Variants in TINAGL1 observed in about 807,000 individuals in gnomAD.
The protein encoded by TINAGL1 is tubulointerstitial nephritis antigen like 1, also known as tubulointerstitial nephritis antigen-like.
In TINAGL1, 34 loss-of-function variants were observed where a neutral mutation model predicts 62.0. That is an observed-to-expected ratio of 0.55 (90% confidence interval 0.42 to 0.73). TINAGL1 has a LOEUF of 0.73. Ranked by LOEUF, TINAGL1 falls within the 30% of genes least tolerant of loss-of-function variation. The probability of loss-of-function intolerance (pLI) is 0.00; values close to 1 mark genes in which losing one functional copy is unlikely to be tolerated. For missense variants in TINAGL1, 516 were observed against 653.2 expected, an observed-to-expected ratio of 0.79 and a Z score of 2.29; for synonymous variants, 221 against 249.7, an observed-to-expected ratio of 0.88 and a Z score of 1.08.
rs200302326 is a variant in TINAGL1 at position 31,586,897 on chromosome 1, G to A, written c.1322G>A (p.Arg441His). 3 of 1,548,944 alleles carry A rather than the reference G, an allele frequency of 1.9e-6. No homozygotes were observed. Among genetic ancestry groups the A allele is most frequent in the East Asian group, 2.3e-5 (1 of 43,642 alleles). Reference protein sequence around the residue: ...WGERGHFRIVRGVNECDIESF... With the variant: ...WGERGHFRIVHGVNECDIESF... Reference sequence around the variant, plus strand: ...GAGAGGGGCCACTTCCGCATCGTGCGCGGCGTCAATGAGTGCGACATCGAG... The same window carrying A: ...GAGAGGGGCCACTTCCGCATCGTGCACGGCGTCAATGAGTGCGACATCGAG... The change falls in exon 12 of 12, where the codon CGC becomes CAC. Residue 441 changes from arginine (R) to histidine (H), a missense_variant. Transcript: ENST00000271064.
chr1:31,579,448 CCAA>C (rs1203211618), intron 3 of TINAGL1, among the ~76,000 whole-genome samples, 181 bp downstream of exon 3: 1 of 152,252 alleles, frequency 6.6e-6, no homozygotes, highest in Non-Finnish European at 1.5e-5. Flanking sequence ...TAACATCATT[CCAA>C]CAACATTCCT....
rs186069505 is a variant in TINAGL1, at chr1:31,583,695, C to G, written c.582+120C>G. 1 of 849,386 alleles carries G rather than the reference C, an allele frequency of 1.2e-6. No individual in the cohort carries two copies. Among genetic ancestry groups the G allele is most frequent in the African/African-American group, 1.7e-5 (1 of 59,880 alleles). The allele number at this position is 849,386 out of a possible 1,614,324, so 52.6% of individuals were successfully genotyped here. A position where few individuals can be genotyped will look rare whatever the true frequency, so the allele number is the denominator to read the frequency against. The stretch of plus-strand genomic sequence containing the variant: ...CATCCCCTACTACAAGGCTGTGTGT[C>G]CCTGGACAAGTTACTCCCCTTCTCT... On this transcript the variant is annotated intron_variant, in intron 5 of 11. Transcript: ENST00000271064. The surrounding 1 kb of genome is among the most constrained non-coding windows in gnomAD (Gnocchi z 4.4).
intron 3 of TINAGL1, among the ~76,000 whole-genome samples, chr1:31,582,518 G>A (rs2148592063): frequency 6.6e-6 from 1 of 152,164 alleles, no homozygotes; most frequent in Non-Finnish European, 1.5e-5. Flanking sequence ...GAGGGTTTTG[G>A]GCAGAGGAAC....
At position 31,577,273 on chromosome 1, in the gene TINAGL1, A is replaced by T; in HGVS notation, c.125A>T (p.Asp42Val). The T allele has an allele frequency of 1.2e-6, 2 of 1,612,150 alleles. No homozygotes were observed. The highest frequency in any genetic ancestry group is 1.7e-6 in the Non-Finnish European group (2 of 1,179,504). Residue 42 changes from aspartate to valine, a missense_variant, in exon 2 of 12, where the codon GAC (aspartate) becomes GTC (valine). By Grantham distance (152) the Asp-to-Val change is radical. Transcript: ENST00000271064. This position sits in a 1 kb window ranked among gnomAD's most constrained non-coding sequence, Gnocchi z 5.4. The stretch of plus-strand genomic sequence containing the variant: ...GGTCTGCACCTGCGGGGCATCCGGG[A>T]CGCGGGAGGCCGGTACTGCCAGGAG... ...APGLHLRGIR[D>V]AGGRYCQEQD...
At chr1:31,582,674 C>CG (rs2148592241) in intron 3 of TINAGL1, among the ~76,000 whole-genome samples, 1 of 152,152 alleles carries the variant, frequency 6.6e-6, no homozygotes, top group South Asian at 2.1e-4. Flanking sequence ...CGGACTTGGG[C>CG]GGGCTGCAGG....
At position 31,585,615 on chromosome 1, in the gene TINAGL1, C is replaced by G. The variant is rs1194983749; in HGVS notation, c.1093+130C>G. 2.0e-6 allele frequency: 3 copies of G among 1,533,304 alleles called. No individual in the cohort carries two copies. The East Asian group carries it at 6.8e-5, about 35-fold the overall frequency. The allele number at this position is 1,533,304 out of a possible 1,614,324, so 95.0% of individuals were successfully genotyped here. ...GGGCCAGGAGTAGGGGTCCCCCCCT[C>G]CCACAGGCAGCACCTGGAGGGAGCA... On this transcript the variant is annotated intron_variant, in intron 9 of 11. Transcript: ENST00000271064. This position sits in a 1 kb window ranked among gnomAD's most constrained non-coding sequence, Gnocchi z 4.3.
rs1477596066 is a variant in TINAGL1, at chr1:31,585,892, G to A, written c.1217+16G>A. ...AGATCACAGGGTGAGGGGCGTGTGG[G>A]CAGAGGGGGTTTGGGACAGCAGGGT... On this transcript the variant is annotated intron_variant, in intron 10 of 11. Coordinates refer to ENST00000271064, the MANE Select transcript of TINAGL1 (RefSeq NM_022164.3). This position sits in a 1 kb window ranked among gnomAD's most constrained non-coding sequence, Gnocchi z 4.3. 2.6e-6 allele frequency: 4 copies of A among 1,566,348 alleles called. No homozygotes were observed. In the South Asian group the frequency reaches 3.5e-5, roughly 14 times the overall value.
intron 3 of TINAGL1, among the ~76,000 whole-genome samples, chr1:31,580,062 A>C (rs921431823): frequency 7.5e-6 from 1 of 133,772 alleles, no homozygotes; most frequent in Admixed American, 7.3e-5. Context: ...CTGTGTGTGC[A>C]CTGTGTGTGT....
chr1:31,579,001 TGTG>T (rs1639122298), intron 2 of TINAGL1, among the ~76,000 whole-genome samples, 200 bp from the exon 3 acceptor site: 3 of 63,216 alleles, frequency 4.7e-5, no homozygotes, highest in Non-Finnish European at 1.6e-4. Flanking sequence ...TGACAGCTGG[TGTG>T]TGTGTGTGTG....
In TINAGL1 at chr1:31,585,822, T is replaced by C. The variant is rs780235917; in HGVS notation, c.1163T>C (p.Leu388Pro). 1.9e-6 allele frequency: 3 copies of C among 1,612,078 alleles called. No homozygotes were observed. Among genetic ancestry groups the C allele is most frequent in the Non-Finnish European group, 1.7e-6 (2 of 1,179,156 alleles). Reference protein sequence around the residue: ...GGIYSHTPVSLGRPERYRRHG... With the variant: ...GGIYSHTPVSPGRPERYRRHG... ...ATCTACAGCCACACGCCAGTGAGCCTTGGGAGGCCAGAGAGATACCGCCGG... is the reference window on the plus strand; with the variant it reads ...ATCTACAGCCACACGCCAGTGAGCCCTGGGAGGCCAGAGAGATACCGCCGG... The change falls in exon 10 of 12, where the codon CTT (leucine) becomes CCT (proline). Residue 388 changes from leucine to proline, a missense_variant. Physicochemically the swap from Leu to Pro is moderately conservative, Grantham distance 98 (BLOSUM62 -3). Transcript: ENST00000271064. This position sits in a 1 kb window ranked among gnomAD's most constrained non-coding sequence, Gnocchi z 4.3.
chr1:31,584,607 A>G lies in TINAGL1; in HGVS notation c.583-71A>G. The G allele has an allele frequency of 1.2e-6, 2 of 1,606,286 alleles. No homozygotes were observed. The highest frequency in any genetic ancestry group is 1.7e-6 in the Non-Finnish European group (2 of 1,175,684). On this transcript the variant is annotated intron_variant, in intron 5 of 11. Coordinates refer to ENST00000271064, the MANE Select transcript of TINAGL1 (RefSeq NM_022164.3). The surrounding 1 kb of genome is among the most constrained non-coding windows in gnomAD (Gnocchi z 4.0). ...AAGGCCCTGGACTTGGTGGCCCTCC[A>G]GTGCCAATGGGCACCTGAGGGGCAG...
At chr1:31,579,981 C>T (rs1009790458) in intron 3 of TINAGL1, among the ~76,000 whole-genome samples, 4 of 152,146 alleles carry the variant, frequency 2.6e-5, no homozygotes, top group African/African-American at 9.7e-5. Flanking sequence ...CATTGCCTCA[C>T]TAGGGTGAGG....
rs762589588 is a variant in TINAGL1 at position 31,577,238 on chromosome 1, G to A, written c.90G>A (p.Glu30=). Residue 30 remains glutamate, a synonymous_variant, in exon 2 of 12, where the codon GAG becomes GAA. Transcript: ENST00000271064. The surrounding 1 kb of genome is among the most constrained non-coding windows in gnomAD (Gnocchi z 5.4). ...CCCAGCAGGGTCGTGGGCGCCGGGA[G>A]CTAGCACCGGGTCTGCACCTGCGGG... The part of the protein sequence containing the change: ...LGAQQGRGRR[E]LAPGLHLRGI... 7 of 1,607,732 alleles carry A rather than the reference G, an allele frequency of 4.4e-6. No individual in the cohort carries two copies. The African/African-American group carries it at 8.0e-5, about 18-fold the overall frequency.
intron 3 of TINAGL1, 22 bp downstream of exon 3, chr1:31,579,289 G>C (rs1639138162): frequency 6.2e-7 from 1 of 1,611,028 alleles, no homozygotes; most frequent in Admixed American, 1.7e-5. Flanking sequence ...GAGCTTAGAG[G>C]GGTCTTGCTT....
Position 31,584,870 on chromosome 1 carries a change from T to A in TINAGL1, c.707-16T>A. 6.2e-7 allele frequency: 1 copy of A among 1,612,414 alleles called. No individual in the cohort carries two copies. Among genetic ancestry groups the A allele is most frequent in the Non-Finnish European group, 8.5e-7 (1 of 1,178,532 alleles). On this transcript the variant is annotated splice_polypyrimidine_tract_variant and intron_variant, in intron 6 of 11. Transcript: ENST00000271064. This position sits in a 1 kb window ranked among gnomAD's most constrained non-coding sequence, Gnocchi z 4.0. ...GTCCTGAGCCTCCCGACAGCCCCTC[T>A]ATCTCACCCCACCAGCTGTGGCATC... is the stretch of plus-strand genomic sequence containing the variant.
Position 31,586,483 on chromosome 1 carries a change from A to C in TINAGL1, c.1218-227A>C, listed in dbSNP as rs1052984125. ...CTCCTCTTCTGCTCACCTTGCCTCCACTTGTCCCCTTGGTGCCCCACCCCC... is the reference window on the plus strand; with the variant it reads ...CTCCTCTTCTGCTCACCTTGCCTCCCCTTGTCCCCTTGGTGCCCCACCCCC... On this transcript the variant is annotated intron_variant, in intron 10 of 11. Coordinates refer to ENST00000271064, the MANE Select transcript of TINAGL1 (RefSeq NM_022164.3). The C allele has an allele frequency of 8.2e-6, 5 of 609,938 alleles. No individual in the cohort carries two copies. In the African/African-American group the frequency reaches 9.3e-5, roughly 11 times the overall value. 37.8% of individuals were successfully genotyped at this position (609,938 alleles called of 1,614,324 possible).
Position 31,577,440 on chromosome 1 carries a change from C to T in TINAGL1, c.292C>T (p.Pro98Ser). 6.2e-7 allele frequency: 1 copy of T among 1,611,690 alleles called. No individual in the cohort carries two copies. The highest frequency in any genetic ancestry group is 1.1e-5 in the South Asian group (1 of 90,794). The change falls in exon 2 of 12, where the codon CCT becomes TCT. Residue 98 changes from proline to serine, a missense_variant. Pro to Ser is a moderately conservative substitution (Grantham distance 74, BLOSUM62 -1). Transcript: ENST00000271064. The surrounding 1 kb of genome is among the most constrained non-coding windows in gnomAD (Gnocchi z 5.4). ...FWDFCLGVPP[P>S]FPPIQGCMHG... Reference sequence around the variant, plus strand: ...GGACTTCTGCCTCGGCGTGCCACCCCCTTTTCCCCCGATCCAAGGTGGGCA... The same window carrying T: ...GGACTTCTGCCTCGGCGTGCCACCCTCTTTTCCCCCGATCCAAGGTGGGCA...
chr1:31,580,514 C>A (rs1463054913), intron 3 of TINAGL1: 1 of 1,289,252 alleles, frequency 7.8e-7, no homozygotes, highest in East Asian at 5.6e-5. Context: ...AGAGGGGGAA[C>A]AGCCTGGTGT....
chr1:31,577,604 A>T lies in TINAGL1; in HGVS notation c.310+146A>T. ...TCTTCCCTGCCCCTCTGGGAACTTT[A>T]CTCTCCAGCAAGACTGAAGAAGCTC... On this transcript the variant is annotated intron_variant, in intron 2 of 11. Transcript: ENST00000271064. This position sits in a 1 kb window ranked among gnomAD's most constrained non-coding sequence, Gnocchi z 5.4. 1.1e-6 allele frequency: 1 copy of T among 893,180 alleles called. No homozygotes were observed. The highest frequency in any genetic ancestry group is 1.6e-6 in the Non-Finnish European group (1 of 606,718). 55.3% of individuals were successfully genotyped at this position (893,180 alleles called of 1,614,324 possible). A position where few individuals can be genotyped will look rare whatever the true frequency, so the allele number is the denominator to read the frequency against.
Sources: gnomAD v4.1 joint callset for allele counts (sites outside exome capture counted in the v4.1 genomes callset) on GRCh38, gnomAD v4.1.1 for gene constraint, Gnocchi (gnomAD v3.1) non-coding constraint, MANE v1.5 for transcripts, NCBI Gene and HGNC (gene_info 2026-07-23, HGNC 2026-07-21) for gene names.